Variants in PCDH15 observed in about 807,000 individuals in gnomAD.
PCDH15 encodes the protein protocadherin-15.
In PCDH15, 129 loss-of-function variants were observed where a neutral mutation model predicts 178.5. That is an observed-to-expected ratio of 0.72 (90% CI 0.63 to 0.84). The LOEUF (loss-of-function observed/expected upper bound fraction) is 0.84, where lower values mean the gene tolerates loss of function less well. Ranked by LOEUF, PCDH15 falls within the 40% of genes least tolerant of loss-of-function variation. PCDH15 has a pLI of 0.00. For missense variants in PCDH15, 2,230 were observed against 2,099.9 expected (o/e 1.06, Z -1.21); for synonymous variants, 800 against 732.0 (o/e 1.09, Z -1.50).
rs751162490 is a variant in PCDH15 at position 54,391,026 on chromosome 10, G to T, written c.158-12084C>A. Among the ~76,000 whole-genome samples the T allele has an allele frequency of 2.0e-5, 3 of 152,084 alleles. No individual in the cohort carries two copies. The East Asian group carries it at 5.8e-4, about 29-fold the overall frequency. ...TAAAAAGATGGGCTCCTTCAAAGCT[G>T]CCCTGATGACCTTCTGTTTCCCCAT... On this transcript the variant is annotated intron_variant, in intron 3 of 37. Transcript: ENST00000644397.
intron 15 of PCDH15, among the ~76,000 whole-genome samples, chr10:54,115,675 G>A (rs980205845): frequency 6.6e-6 from 1 of 152,186 alleles, no homozygotes; most frequent in Non-Finnish European, 1.5e-5. Context: ...GGACTGCACT[G>A]AAGTTTAACT....
At chr10:55,351,487 CAAT>C (rs1202907226) in intron 2 of PCDH15, among the ~76,000 whole-genome samples, 3 of 152,040 alleles carry the variant, frequency 2.0e-5, no homozygotes, top group Non-Finnish European at 4.4e-5. Flanking sequence ...GAACATAAAA[CAAT>C]AATAAATAAG....
Position 55,341,404 on chromosome 10 carries a change from C to G in PCDH15, c.-155-174753G>C, listed in dbSNP as rs896720936. ...AATGTTATAAAATGGGAGAATTTAACAAGAATTTGATTTTTAAGCTAATGA... is the reference window on the plus strand; with the variant it reads ...AATGTTATAAAATGGGAGAATTTAAGAAGAATTTGATTTTTAAGCTAATGA... On this transcript the variant is annotated intron_variant, in intron 2 of 5. Coordinates refer to the PCDH15 transcript ENST00000613346. Among the ~76,000 whole-genome samples, 3 of 151,854 alleles carry G rather than the reference C, an allele frequency of 2.0e-5. No homozygotes were observed. The East Asian group carries it at 5.8e-4, about 29-fold the overall frequency.
chr10:54,253,296 A>T (rs1564795905), intron 8 of PCDH15, among the ~76,000 whole-genome samples: 1 of 152,014 alleles, frequency 6.6e-6, no homozygotes, highest in Non-Finnish European at 1.5e-5. Flanking sequence ...GCATTTTCCT[A>T]CAGTTTTTTT....
rs772999821 is a variant in PCDH15 at position 53,831,438 on chromosome 10, A to G, written c.4079T>C (p.Val1360Ala). The G allele has an allele frequency of 9.9e-6, 16 of 1,614,186 alleles. No individual in the cohort carries two copies. The South Asian group carries it at 1.4e-4, about 14-fold the overall frequency. ...TTCTCCTCTCTTTTTAATGCTGGTC[A>G]CTGCCTCTGGAGTCCGGATCTCCAG... ...RILEIRTPEA[V>A]TSIKKRGESL... Residue 1360 changes from valine (V) to alanine (A), a missense_variant, in exon 30 of 38, where the codon GTG (valine) becomes GCG (alanine). Physicochemically the swap from Val to Ala is moderately conservative, Grantham distance 64. Coordinates refer to ENST00000644397, the MANE Select transcript of PCDH15 (RefSeq NM_001384140.1).
intron 9 of PCDH15, among the ~76,000 whole-genome samples, chr10:54,221,675 T>G (rs941361884): frequency 6.6e-6 from 1 of 151,994 alleles, no homozygotes; most frequent in Non-Finnish European, 1.5e-5. Context: ...CTGTCTTGGC[T>G]CACTCCAACT....
At chr10:53,913,657 T>C (rs2083299713) in intron 25 of PCDH15, among the ~76,000 whole-genome samples, 1 of 150,538 alleles carries the variant, frequency 6.6e-6, no homozygotes. Flanking sequence ...GGCAGGAGAA[T>C]GGCGTGAACC....
chr10:54,816,901 C>G (rs1952958057), intron 3 of PCDH15, among the ~76,000 whole-genome samples: 1 of 151,994 alleles, frequency 6.6e-6, no homozygotes, highest in Non-Finnish European at 1.5e-5. Flanking sequence ...CCTCTTACTT[C>G]ATGAACTTCA....
intron 28 of PCDH15, among the ~76,000 whole-genome samples, chr10:53,843,876 T>G (rs553294647): frequency 1.3e-5 from 2 of 152,212 alleles, no homozygotes; most frequent in South Asian, 4.1e-4. Context: ...CAGAAGCCAT[T>G]CCAGACACAT....
Position 55,400,641 on chromosome 10 carries a change from G to T in PCDH15, c.-156+226984C>A, listed in dbSNP as rs149627198. 1.7e-3 allele frequency among the ~76,000 whole-genome samples: 252 copies of T among 152,214 alleles called. 2 individuals carry two copies. The highest frequency in any genetic ancestry group is 6.0e-3 in the African/African-American group (248 of 41,556). On this transcript the variant is annotated intron_variant, in intron 2 of 5. Coordinates refer to the PCDH15 transcript ENST00000613346. ...AAGACACTTGATATGCACATTCCCA[G>T]CTGAAGTCAAACAAGGCCCTCATAC...
At chr10:55,594,910 C>A (rs559104567) in intron 2 of PCDH15, among the ~76,000 whole-genome samples, 3 of 152,086 alleles carry the variant, frequency 2.0e-5, no homozygotes, top group African/African-American at 7.2e-5. Flanking sequence ...TACATATGTA[C>A]CTAAGAATAT....
intron 26 of PCDH15, among the ~76,000 whole-genome samples, chr10:53,874,096 A>G (rs2080054377): frequency 6.6e-6 from 1 of 152,088 alleles, no homozygotes; most frequent in South Asian, 2.1e-4. Context: ...GAATATAAAA[A>G]CCATAGTACT....
intron 3 of PCDH15, among the ~76,000 whole-genome samples, chr10:54,411,076 A>C (rs1953425978): frequency 6.6e-6 from 1 of 152,200 alleles, no homozygotes; most frequent in Admixed American, 6.5e-5. Flanking sequence ...ACAGACATGC[A>C]TTATGAAAAG....
chr10:55,519,634 A>C (rs1183375183), intron 2 of PCDH15, among the ~76,000 whole-genome samples: 1 of 152,092 alleles, frequency 6.6e-6, no homozygotes, highest in African/African-American at 2.4e-5. Context: ...TAATTAACTC[A>C]AAGAAAAAAT....
intron 27 of PCDH15, among the ~76,000 whole-genome samples, chr10:53,864,679 C>G (rs1033503549): frequency 1.3e-5 from 2 of 152,000 alleles, no homozygotes; most frequent in African/African-American, 2.4e-5. Flanking sequence ...TTGTGGAGAG[C>G]TTTCTTGCTT....
intron 3 of PCDH15, among the ~76,000 whole-genome samples, chr10:54,457,157 G>A (rs750143767): frequency 6.6e-6 from 1 of 152,074 alleles, no homozygotes; most frequent in Admixed American, 6.6e-5. Flanking sequence ...CATGAATTCA[G>A]CAGCTAATTC....
chr10:53,838,562 T>G (rs1195625874), intron 29 of PCDH15, among the ~76,000 whole-genome samples: 1 of 152,124 alleles, frequency 6.6e-6, no homozygotes, highest in African/African-American at 2.4e-5. Flanking sequence ...ATACATATTT[T>G]TATATTCAGG....
chr10:54,813,054 G>A (rs1952890524), intron 3 of PCDH15, among the ~76,000 whole-genome samples: 2 of 152,058 alleles, frequency 1.3e-5, no homozygotes, highest in African/African-American at 4.8e-5. Flanking sequence ...AAACTTTTCA[G>A]AACCTCCAAC....
chr10:54,536,480 G>T (rs2084536064), intron 2 of PCDH15, among the ~76,000 whole-genome samples: 1 of 149,350 alleles, frequency 6.7e-6, no homozygotes, highest in Non-Finnish European at 1.5e-5. Flanking sequence ...TGGGGCATAT[G>T]TTAACTTTTT....
Sources: allele counts gnomAD v4.1 joint callset (sites outside exome capture counted in the v4.1 genomes callset), GRCh38; gene constraint gnomAD v4.1.1; transcripts MANE v1.5; gene names NCBI Gene and HGNC (gene_info 2026-07-23, HGNC 2026-07-21).